The following FAM227B variants were observed in gnomAD, a reference collection of about 807,000 sequenced individuals.
The protein encoded by FAM227B is family with sequence similarity 227 member B, also known as protein FAM227B.
A neutral mutation model predicts 73.8 loss-of-function variants in FAM227B; 88 were observed. That is an observed-to-expected ratio of 1.19 (90% CI 1.00 to 1.42). The LOEUF is 1.42. Among genes scored for constraint, FAM227B ranks in the 40% most tolerant of loss-of-function variants. The pLI, the probability that FAM227B is intolerant of heterozygous loss-of-function variation, is 0.00. For synonymous variants in FAM227B, 210 were observed against 190.5 expected, an observed-to-expected ratio of 1.10 and a Z score of -0.84; for missense variants, 632 against 590.9, an observed-to-expected ratio of 1.07 and a Z score of -0.72.
At chr15:49,360,419 A>T (rs1047417502) in intron 13 of FAM227B, among the ~76,000 whole-genome samples, 17 of 152,220 alleles carry the variant, frequency 1.1e-4, no homozygotes, top group Non-Finnish European at 2.1e-4. Flanking sequence ...TTTTAACGAG[A>T]CCCATACAGA....
At chr15:49,448,108 A>C (rs2052390818) in intron 11 of FAM227B, among the ~76,000 whole-genome samples, 1 of 151,796 alleles carries the variant, frequency 6.6e-6, no homozygotes, top group African/African-American at 2.4e-5. Context: ...ATATGAAGCA[A>C]CATATTATGC....
At position 49,379,621 on chromosome 15, in the gene FAM227B, G is replaced by T. The variant is rs538341089; in HGVS notation, c.1013-8222C>A. Among the ~76,000 whole-genome samples the T allele has an allele frequency of 6.6e-5, 10 of 152,258 alleles. No individual in the cohort carries two copies. The South Asian group carries it at 2.1e-3, about 32-fold the overall frequency. On this transcript the variant is annotated intron_variant, in intron 11 of 15. Transcript: ENST00000299338. ...CAGTTTCTGTGGTATCAGTTGTATT[G>T]CTTCCTTTTTCATTTCTAATTTTAT...
At chr15:49,377,384 C>T (rs186406125) in intron 11 of FAM227B, among the ~76,000 whole-genome samples, 1 of 152,156 alleles carries the variant, frequency 6.6e-6, no homozygotes, top group African/African-American at 2.4e-5. Context: ...ACATATCCAG[C>T]AGTGAGATTA....
chr15:49,593,604 C>T lies in FAM227B; in HGVS notation c.106-3597G>A, dbSNP rs996359204. ...GTACCTCAACCCCCGAACCCTTCCC[C>T]CAAGTCCCCAAAGTCCACTGTAACA... On this transcript the variant is annotated intron_variant, in intron 3 of 15. Transcript: ENST00000299338. Among the ~76,000 whole-genome samples the T allele has an allele frequency of 3.9e-5, 6 of 151,918 alleles. No homozygotes were observed. The East Asian group carries it at 9.7e-4, about 25-fold the overall frequency.
At chr15:49,495,185 G>A (rs537729815) in intron 11 of FAM227B, among the ~76,000 whole-genome samples, 1 of 152,266 alleles carries the variant, frequency 6.6e-6, no homozygotes, top group South Asian at 2.1e-4. Flanking sequence ...CAATATATCT[G>A]GGGGAGGTAT....
At chr15:49,475,122 A>G (rs942949215) in intron 11 of FAM227B, among the ~76,000 whole-genome samples, 4 of 152,160 alleles carry the variant, frequency 2.6e-5, no homozygotes, top group Admixed American at 6.5e-5. Context: ...CAGTTTGATT[A>G]ATTTTTTCAC....
rs530152467 is a variant in FAM227B, at chr15:49,528,147, T to C, written c.874+13533A>G. Among the ~76,000 whole-genome samples the C allele has an allele frequency of 7.3e-5, 11 of 151,470 alleles. No homozygotes were observed. In the East Asian group the frequency reaches 1.7e-3, roughly 24 times the overall value. On this transcript the variant is annotated intron_variant, in intron 10 of 15. Transcript: ENST00000299338. ...CCCAAATAACATAGTGCTGGTACAA[T>C]AGACACATAGATCAATGAAGCAAAA...
chr15:49,618,553 T>C (rs1379660486), intron 1 of FAM227B, among the ~76,000 whole-genome samples: 1 of 152,216 alleles, frequency 6.6e-6, no homozygotes, highest in African/African-American at 2.4e-5. Context: ...GACATTTACC[T>C]AGACAGTAGT....
At chr15:49,353,676 T>C (rs905074455) in intron 13 of FAM227B, 2 of 151,646 alleles carry the variant, frequency 1.3e-5, no homozygotes, top group Non-Finnish European at 2.9e-5. Flanking sequence ...AGTATAGGCT[T>C]TCCTATTCAC....
intron 10 of FAM227B, among the ~76,000 whole-genome samples, chr15:49,535,647 T>C (rs1035183336): frequency 6.6e-6 from 1 of 151,782 alleles, no homozygotes; most frequent in Admixed American, 6.6e-5. Context: ...TGATGAACAA[T>C]GATGTAAAAA....
At chr15:49,524,016 C>T (rs10162761) in intron 10 of FAM227B, among the ~76,000 whole-genome samples, 1 of 151,344 alleles carries the variant, frequency 6.6e-6, no homozygotes, top group South Asian at 2.1e-4. Flanking sequence ...AAACAGAGCA[C>T]AAAAGATAAA....
chr15:49,489,883 T>TATATATATATAGAGAG lies in FAM227B; in HGVS notation c.1012+18327_1012+18328insCTCTCTATATATATAT, dbSNP rs1555505060. On this transcript the variant is annotated intron_variant, in intron 11 of 15. Coordinates refer to ENST00000299338, the MANE Select transcript of FAM227B (RefSeq NM_152647.3). Reference sequence around the variant, plus strand: ...TTTTATATATATATATATATATATATAGAGAGAGAGAGAGAGAGAGAGAGA... The same window carrying TATATATATATAGAGAG: ...TTTTATATATATATATATATATATATATATATATATAGAGAGAGAGAGAGAGAGAGAGAGAGAGAGA... Among the ~76,000 whole-genome samples, 10 of 22,948 alleles carry TATATATATATAGAGAG rather than the reference T, an allele frequency of 4.4e-4. 2 individuals carry two copies. The highest frequency in any genetic ancestry group is 0.019 in the Middle Eastern group (1 of 52). 15.1% of individuals were successfully genotyped at this position (22,948 alleles called of 152,430 possible).
At position 49,582,880 on chromosome 15, in the gene FAM227B, G is replaced by GA. The variant is rs369953746; in HGVS notation, c.405+5135dup. ...TAACCTGCTACTGAATGACTTTCAGGAAAAAAAAAAGGAATTAAGGCAGAA... is the reference window on the plus strand; with the variant it reads ...TAACCTGCTACTGAATGACTTTCAGGAAAAAAAAAAAGGAATTAAGGCAGAA... On this transcript the variant is annotated intron_variant, in intron 5 of 15. Transcript: ENST00000299338. Among the ~76,000 whole-genome samples the GA allele has an allele frequency of 3.1e-4, 45 of 146,630 alleles. No homozygotes were observed. The East Asian group carries it at 5.1e-3, about 17-fold the overall frequency.
At chr15:49,359,154 T>A (rs1224898228) in intron 13 of FAM227B, among the ~76,000 whole-genome samples, 2 of 150,124 alleles carry the variant, frequency 1.3e-5, no homozygotes, top group East Asian at 3.9e-4. Context: ...AACCTAGGCA[T>A]TACCATTCAG....
intron 10 of FAM227B, among the ~76,000 whole-genome samples, chr15:49,514,668 A>G (rs1345812118): frequency 6.6e-6 from 1 of 152,112 alleles, no homozygotes; most frequent in African/African-American, 2.4e-5. Flanking sequence ...TTTATTATAA[A>G]TATGATACGC....
intron 11 of FAM227B, among the ~76,000 whole-genome samples, chr15:49,383,115 A>T (rs1294365907): frequency 6.6e-6 from 1 of 152,128 alleles, no homozygotes; most frequent in African/African-American, 2.4e-5. Flanking sequence ...GATGGATTGG[A>T]AAATTAAATC....
At chr15:49,539,627 G>A (rs2070773407) in intron 10 of FAM227B, among the ~76,000 whole-genome samples, 1 of 152,220 alleles carries the variant, frequency 6.6e-6, no homozygotes, top group Admixed American at 6.5e-5. Context: ...TTCAGGCAGA[G>A]CTCAGGAATC....
chr15:49,347,355 A>G (rs996461077), intron 13 of FAM227B, among the ~76,000 whole-genome samples: 1 of 152,208 alleles, frequency 6.6e-6, no homozygotes, highest in Non-Finnish European at 1.5e-5. Context: ...AGACTGTAAC[A>G]GCTTAGTGAT....
At chr15:49,556,473 G>C (rs1330715487) in intron 9 of FAM227B, among the ~76,000 whole-genome samples, 1 of 152,172 alleles carries the variant, frequency 6.6e-6, no homozygotes, top group African/African-American at 2.4e-5. Context: ...TGGGCCACAG[G>C]CCACAACATT....
Sources: allele counts gnomAD v4.1 joint callset (sites outside exome capture counted in the v4.1 genomes callset), GRCh38; gene constraint gnomAD v4.1.1; transcripts MANE v1.5; gene names NCBI Gene and HGNC (gene_info 2026-07-23, HGNC 2026-07-21).